The following MCTP1 variants were observed in gnomAD, a reference collection of about 807,000 sequenced individuals.
The protein encoded by MCTP1 is multiple C2 and transmembrane domain containing 1.
MCTP1 carries 69 observed loss-of-function variants against 120.6 expected under a neutral mutation model. The observed-to-expected ratio is 0.57, with a 90% CI of 0.47 to 0.70. The LOEUF (loss-of-function observed/expected upper bound fraction) is 0.70. MCTP1 is among the 30% of genes least tolerant of loss of function. The pLI is 0.00. For synonymous variants in MCTP1, 529 were observed against 493.1 expected (o/e 1.07, Z -0.96); for missense variants, 1,203 against 1,248.8 (o/e 0.96, Z 0.55).
At chr5:95,168,911 C>G (rs1341929107) in intron 1 of MCTP1, among the ~76,000 whole-genome samples, 3 of 152,086 alleles carry the variant, frequency 2.0e-5, no homozygotes, top group African/African-American at 2.4e-5. Context: ...CCTGATTGCC[C>G]TGGCCAGAAC....
intron 1 of MCTP1, among the ~76,000 whole-genome samples, chr5:95,171,562 T>G (rs1747293166): frequency 6.6e-6 from 1 of 152,248 alleles, no homozygotes; most frequent in Non-Finnish European, 1.5e-5. Context: ...CAGACGTAGA[T>G]TTGGTCTTTT....
At chr5:94,839,214 A>C (rs1005410058) in intron 17 of MCTP1, among the ~76,000 whole-genome samples, 1 of 152,188 alleles carries the variant, frequency 6.6e-6, no homozygotes, top group African/African-American at 2.4e-5. Context: ...AACATGTTTC[A>C]GTTTTTTTCC....
At chr5:94,749,351 G>T (rs181128306) in intron 19 of MCTP1, among the ~76,000 whole-genome samples, 2 of 152,044 alleles carry the variant, frequency 1.3e-5, no homozygotes, top group African/African-American at 4.8e-5. Context: ...AAGAATGAAA[G>T]AAATATTTAA....
intron 1 of MCTP1, among the ~76,000 whole-genome samples, chr5:95,128,933 C>T (rs986078449): frequency 6.6e-6 from 1 of 151,874 alleles, no homozygotes; most frequent in Non-Finnish European, 1.5e-5. Flanking sequence ...CTGGGGAACA[C>T]CAACATTTAA....
intron 19 of MCTP1, among the ~76,000 whole-genome samples, chr5:94,775,239 T>C (rs556988145): frequency 5.3e-5 from 8 of 152,370 alleles, no homozygotes; most frequent in African/African-American, 1.9e-4. Context: ...TTTGAATCCA[T>C]GCTTTTTCTG....
chr5:94,810,522 T>A (rs1366103958), intron 17 of MCTP1, among the ~76,000 whole-genome samples: 1 of 152,180 alleles, frequency 6.6e-6, no homozygotes, highest in Non-Finnish European at 1.5e-5. Context: ...TACCCAGCTA[T>A]CTAACAAGCC....
chr5:95,005,984 A>C (rs1321949270), intron 2 of MCTP1, among the ~76,000 whole-genome samples: 1 of 152,140 alleles, frequency 6.6e-6, no homozygotes, highest in Non-Finnish European at 1.5e-5. Flanking sequence ...GGTTGTGCTC[A>C]CACACCCCCA....
chr5:95,079,240 T>A (rs1008613098), intron 1 of MCTP1, among the ~76,000 whole-genome samples: 1 of 152,160 alleles, frequency 6.6e-6, no homozygotes, highest in African/African-American at 2.4e-5. Flanking sequence ...TTCATCTACC[T>A]TAATGTTCAC....
At chr5:95,114,787 A>G (rs1304751298) in intron 1 of MCTP1, among the ~76,000 whole-genome samples, 5 of 152,216 alleles carry the variant, frequency 3.3e-5, no homozygotes, top group Admixed American at 2.6e-4. Flanking sequence ...GTAGAGCCCC[A>G]GGGCCTTGCA....
Position 94,931,974 on chromosome 5 carries a change from C to G in MCTP1, c.1191G>C (p.Lys397Asn). The G allele has an allele frequency of 6.2e-7, 1 of 1,603,908 alleles. No individual in the cohort carries two copies. Among genetic ancestry groups the G allele is most frequent in the Non-Finnish European group, 8.5e-7 (1 of 1,172,266 alleles). Residue 397 changes from lysine (K) to asparagine (N), a missense_variant, in exon 6 of 23, where the codon AAG becomes AAC. Lys to Asn is a moderately conservative substitution (Grantham distance 94). This residue lies in a region of MCTP1 where 740 missense variants were observed against 871.1 expected (regional missense o/e 0.85). Transcript: ENST00000515393. ...TTACCTTACTTGATCTTTTCCAACT[C>G]TTCCTCATTAGCATTGTCTGTAAAT... The part of the protein sequence containing the change: ...ESRDVTMLMR[K>N]SWKRSSKELS...
At chr5:94,975,908 G>C (rs150397523) in intron 2 of MCTP1, among the ~76,000 whole-genome samples, 1 of 152,062 alleles carries the variant, frequency 6.6e-6, no homozygotes, top group African/African-American at 2.4e-5. Context: ...AGGCCTTGCT[G>C]TTTATTTCTG....
At chr5:95,240,090 T>C (rs1755995290) in intron 1 of MCTP1, among the ~76,000 whole-genome samples, 1 of 152,096 alleles carries the variant, frequency 6.6e-6, no homozygotes, top group Non-Finnish European at 1.5e-5. Context: ...CATACAAATT[T>C]CATAATTTTT....
intron 10 of MCTP1, among the ~76,000 whole-genome samples, chr5:94,900,894 A>G (rs1581251999): frequency 6.6e-6 from 1 of 152,226 alleles, no homozygotes; most frequent in Admixed American, 6.5e-5. Context: ...ATGAAAAAGT[A>G]CTTTGAAAAG....
intron 1 of MCTP1, chr5:95,068,953 T>C (rs1751398742): frequency 4.1e-6 from 1 of 241,188 alleles, no homozygotes; most frequent in East Asian, 2.0e-4. Context: ...TGTGAGCAGG[T>C]ATCTTTTTTT....
chr5:95,211,018 C>T (rs1582543339), intron 1 of MCTP1, among the ~76,000 whole-genome samples: 1 of 152,038 alleles, frequency 6.6e-6, no homozygotes, highest in African/African-American at 2.4e-5. Flanking sequence ...TCTCTTCTGG[C>T]TTGTAGAGTT....
Position 95,005,167 on chromosome 5 carries a change from T to C in MCTP1, c.838+12200A>G, listed in dbSNP as rs141145842. 1.1e-3 allele frequency among the ~76,000 whole-genome samples: 162 copies of C among 152,276 alleles called. 1 individual carries two copies. In the East Asian group the frequency reaches 0.02, roughly 19 times the overall value. ...CTGCTGGGTTTCAGAATTTCTTGGG[T>C]CCTGTAGCTCTTTTATTTGGCCAAT... On this transcript the variant is annotated intron_variant, in intron 2 of 22. Transcript: ENST00000515393.
At chr5:95,240,832 T>G (rs1331833428) in intron 1 of MCTP1, among the ~76,000 whole-genome samples, 1 of 152,114 alleles carries the variant, frequency 6.6e-6, no homozygotes, top group African/African-American at 2.4e-5. Flanking sequence ...TTATCCACAT[T>G]CTTTTCATAC....
In MCTP1 at chr5:94,723,563, TTTG is replaced by T. The variant is rs1294809281; in HGVS notation, c.2611-8680_2611-8678del. 2.0e-5 allele frequency among the ~76,000 whole-genome samples: 3 copies of T among 151,922 alleles called. No homozygotes were observed. The East Asian group carries it at 5.8e-4, about 29-fold the overall frequency. On this transcript the variant is annotated intron_variant, in intron 19 of 22. Coordinates refer to ENST00000515393, the MANE Select transcript of MCTP1 (RefSeq NM_024717.7). The stretch of plus-strand genomic sequence containing the variant: ...TCTGCTGACTTGGCAGAGTTTTTTT[TTTG>T]TTTTGTTTTTGCTTTTTTGCAGAAT...
At chr5:95,171,066 G>T (rs566425326) in intron 1 of MCTP1, among the ~76,000 whole-genome samples, 134 of 152,170 alleles carry the variant, frequency 8.8e-4, no homozygotes, top group African/African-American at 3.1e-3. Flanking sequence ...TCCTTTCCAT[G>T]TTTAGTGCTT....
Sources: gnomAD v4.1 joint callset for allele counts (sites outside exome capture counted in the v4.1 genomes callset) on GRCh38, gnomAD v4.1.1 for gene constraint, gnomAD v4.1.1 regional missense constraint, MANE v1.5 for transcripts, NCBI Gene and HGNC (gene_info 2026-07-23, HGNC 2026-07-21) for gene names.